SNX4: variants seen among roughly 807,000 people sequenced by gnomAD.
SNX4 encodes sorting nexin-4.
Under a neutral mutation model 70.8 loss-of-function variants are expected in SNX4, and 49 were observed. That is an observed-to-expected ratio of 0.69 (90% CI 0.55 to 0.88). SNX4 has a LOEUF of 0.88. Ranked by LOEUF, SNX4 falls within the 40% of genes least tolerant of loss-of-function variation. SNX4 has a pLI of 0.00. For missense variants in SNX4, 528 were observed against 544.8 expected, an observed-to-expected ratio of 0.97 and a Z score of 0.31; for synonymous variants, 206 against 183.8, an observed-to-expected ratio of 1.12 and a Z score of -0.98.
At chr3:125,511,445 A>G (rs573756328) in intron 1 of SNX4, among the ~76,000 whole-genome samples, 89 of 152,292 alleles carry the variant, frequency 5.8e-4, no homozygotes, top group Non-Finnish European at 1.0e-3. Flanking sequence ...GCAGTGGTTA[A>G]TAGGCTCCAC....
intron 7 of SNX4, among the ~76,000 whole-genome samples, chr3:125,478,364 C>T: frequency 6.6e-6 from 1 of 151,828 alleles, no homozygotes; most frequent in African/African-American, 2.4e-5. Flanking sequence ...GCCACTGTGC[C>T]TGGCCCCCAA....
rs923257966 is a variant in SNX4, at chr3:125,520,038, G to T, written c.135C>A (p.Val45=). 6 of 1,555,806 alleles carry T rather than the reference G, an allele frequency of 3.9e-6. No individual in the cohort carries two copies. In the Admixed American group the frequency reaches 9.1e-5, roughly 24 times the overall value. The part of the protein sequence containing the change: ...AEGAGEESSG[V]DTMTHNNFWL... ...TGCCGCCCCTTCTCCTCACCGTGTCGACCCCAGAGCTCTCTTCTCCGGCCC... is the reference window on the plus strand; with the variant it reads ...TGCCGCCCCTTCTCCTCACCGTGTCTACCCCAGAGCTCTCTTCTCCGGCCC... The change falls in exon 1 of 14, where the codon GTC becomes GTA. Residue 45 remains valine (V), a synonymous_variant. Coordinates refer to ENST00000251775, the MANE Select transcript of SNX4 (RefSeq NM_003794.4).
intron 10 of SNX4, among the ~76,000 whole-genome samples, chr3:125,460,369 C>T (rs114984113): frequency 2.3e-3 from 346 of 152,166 alleles, no homozygotes; most frequent in African/African-American, 7.9e-3. Flanking sequence ...AACATAAGAA[C>T]AGATAAGAAA....
chr3:125,468,451 A>T (rs115941286), intron 9 of SNX4, among the ~76,000 whole-genome samples: 4,035 of 146,056 alleles, frequency 0.028, 67 homozygotes, highest in Non-Finnish European at 0.045. Flanking sequence ...CGCTAATCCC[A>T]GCACTTTGGG....
intron 9 of SNX4, among the ~76,000 whole-genome samples, chr3:125,466,165 T>A (rs923835800): frequency 5.3e-5 from 8 of 151,676 alleles, no homozygotes; most frequent in African/African-American, 2.0e-4. Flanking sequence ...ATTTTTTATT[T>A]TCAAATTGTT....
chr3:125,470,395 T>TA, intron 8 of SNX4, among the ~76,000 whole-genome samples: 1 of 151,896 alleles, frequency 6.6e-6, no homozygotes. Context: ...AAAGAATGTA[T>TA]AATAATCATC....
chr3:125,472,846 C>G (rs1934208042), intron 8 of SNX4, among the ~76,000 whole-genome samples: 1 of 152,066 alleles, frequency 6.6e-6, no homozygotes, highest in African/African-American at 2.4e-5. Context: ...CCTTCTACAA[C>G]TCACCTCTCC....
intron 2 of SNX4, among the ~76,000 whole-genome samples, chr3:125,502,349 CTT>C (rs34542195): frequency 0.025 from 3,702 of 148,006 alleles, 164 homozygotes; most frequent in African/African-American, 0.084. Flanking sequence ...AATTTTCTTT[CTT>C]TTTTTTTTTT....
chr3:125,467,232 C>A (rs1412751156), intron 9 of SNX4, among the ~76,000 whole-genome samples: 1 of 151,734 alleles, frequency 6.6e-6, no homozygotes, highest in East Asian at 1.9e-4. Context: ...ACTAAAAATA[C>A]CAAAATTAGC....
rs371774490 is a variant in SNX4, at chr3:125,520,176, T to G, written c.-4A>C. ...GGTCCGGAGGTGCCTGCTCCATGGC[T>G]GCAGTTCGGCGCGGCGAACCCAGTG... On this transcript the variant is annotated 5_prime_UTR_variant, in exon 1 of 14. Coordinates refer to ENST00000251775, the MANE Select transcript of SNX4 (RefSeq NM_003794.4). The G allele has an allele frequency of 4.0e-5, 53 of 1,341,620 alleles. No individual in the cohort carries two copies. Among genetic ancestry groups the G allele is most frequent in the Middle Eastern group, 2.8e-4 (1 of 3,548 alleles). 83.1% of individuals were successfully genotyped at this position (1,341,620 alleles called of 1,614,324 possible).
At chr3:125,504,777 C>A (rs914849360) in intron 1 of SNX4, 33 bp from the exon 2 acceptor site, 1 of 1,602,980 alleles carries the variant, frequency 6.2e-7, no homozygotes. Flanking sequence ...ACAACAACAA[C>A]AAAAACCTTT....
At chr3:125,489,576 ATTG>A (rs1934605703) in intron 5 of SNX4, 113 bp from the exon 6 acceptor site, 1 of 808,904 alleles carries the variant, frequency 1.2e-6, no homozygotes, top group Non-Finnish European at 2.0e-6. Flanking sequence ...CTTCATATCA[ATTG>A]TTGTAAACAC....
intron 2 of SNX4, among the ~76,000 whole-genome samples, 168 bp downstream of exon 2, chr3:125,504,455 G>GC (rs1450815585): frequency 6.6e-6 from 1 of 151,316 alleles, no homozygotes; most frequent in Non-Finnish European, 1.5e-5. Context: ...CTGCACTCCA[G>GC]CCCAGGCAAC....
chr3:125,481,185 G>A (rs1934402468), intron 6 of SNX4, among the ~76,000 whole-genome samples: 3 of 152,140 alleles, frequency 2.0e-5, no homozygotes, highest in African/African-American at 7.2e-5. Context: ...CTATATAGTA[G>A]GGAAATATTC....
chr3:125,459,337 C>CAG (rs1274805147), intron 10 of SNX4, among the ~76,000 whole-genome samples: 1 of 152,154 alleles, frequency 6.6e-6, no homozygotes, highest in African/African-American at 2.4e-5. Context: ...ATGGTTCCTA[C>CAG]ATCTTTTCTC....
intron 8 of SNX4, 65 bp from the exon 9 acceptor site, chr3:125,469,584 C>A: frequency 9.0e-7 from 1 of 1,107,186 alleles, no homozygotes; most frequent in East Asian, 2.4e-5. Flanking sequence ...ATTAAATGGA[C>A]TCTTTTCAAG....
intron 2 of SNX4, among the ~76,000 whole-genome samples, chr3:125,500,040 A>G (rs1337806909): frequency 6.6e-6 from 1 of 152,092 alleles, no homozygotes; most frequent in East Asian, 1.9e-4. Flanking sequence ...AGCCTGGGCA[A>G]CAAGAGCGAA....
intron 6 of SNX4, among the ~76,000 whole-genome samples, chr3:125,483,471 A>G (rs1048261982): frequency 2.0e-5 from 3 of 152,210 alleles, no homozygotes; most frequent in Non-Finnish European, 2.9e-5. Context: ...ATATTTGGAT[A>G]TGAGAAATGT....
At position 125,485,902 on chromosome 3, in the gene SNX4, G is replaced by A. The variant is rs565220241; in HGVS notation, c.653+3506C>T. 3.3e-4 allele frequency among the ~76,000 whole-genome samples: 50 copies of A among 152,024 alleles called. 2 individuals carry two copies. In the South Asian group the frequency reaches 8.5e-3, roughly 26 times the overall value. ...GTTGCCCAGACTGGAGTGCAATGGC[G>A]CGATCTTGGCTCACTGCAACCTCCG... On this transcript the variant is annotated intron_variant, in intron 6 of 13. Coordinates refer to ENST00000251775, the MANE Select transcript of SNX4 (RefSeq NM_003794.4).
Sources: gnomAD v4.1 joint callset for allele counts (sites outside exome capture counted in the v4.1 genomes callset) on GRCh38, gnomAD v4.1.1 for gene constraint, MANE v1.5 for transcripts, NCBI Gene and HGNC (gene_info 2026-07-23, HGNC 2026-07-21) for gene names.